TMEM255B: variants seen among roughly 807,000 people sequenced by gnomAD.
The protein encoded by TMEM255B is family with sequence similarity 70, member B.
A neutral mutation model predicts 34.5 loss-of-function variants in TMEM255B; 35 were observed. The ratio of observed to expected loss-of-function variants is 1.01; its 90% CI spans 0.77 to 1.34. The LOEUF (loss-of-function observed/expected upper bound fraction) is 1.34. TMEM255B is among the 40% of genes most tolerant of loss of function. The pLI is 0.00. For missense variants in TMEM255B, 432 were observed against 433.2 expected, an observed-to-expected ratio of 1.00 and a Z score of 0.02; for synonymous variants, 206 against 201.2, an observed-to-expected ratio of 1.02 and a Z score of -0.20.
At chr13:113,799,783 C>T (rs928999050) in intron 5 of TMEM255B, 5 of 663,386 alleles carry the variant, frequency 7.5e-6, no homozygotes, top group Admixed American at 2.1e-5. Context: ...CCTGAGCCAC[C>T]GACAGCGGCA....
intron 5 of TMEM255B, chr13:113,800,092 G>T: frequency 1.7e-6 from 2 of 1,175,478 alleles, no homozygotes; most frequent in Non-Finnish European, 2.1e-6. Flanking sequence ...ATGTGTGTGT[G>T]TGTGGGGGGG....
At chr13:113,796,999 C>T (rs2050954072) in intron 4 of TMEM255B, among the ~76,000 whole-genome samples, 1 of 152,250 alleles carries the variant, frequency 6.6e-6, no homozygotes, top group Non-Finnish European at 1.5e-5. Context: ...GGAGCTTTCT[C>T]AGCGGGTGGC....
chr13:113,775,923 C>T (rs1566725363), intron 3 of TMEM255B, among the ~76,000 whole-genome samples: 1 of 152,222 alleles, frequency 6.6e-6, no homozygotes, highest in Non-Finnish European at 1.5e-5. Context: ...TGGCTTGAGT[C>T]AGACTTTTCC....
At position 113,769,607 on chromosome 13, in the gene TMEM255B, TA is replaced by T. The variant is rs1474778000; in HGVS notation, c.252+450del. ...ATCTTGCCCAGACTAAGAGGAGAGG[TA>T]AAGACATAAAACCAGGAGGGAGCCC... On this transcript the variant is annotated intron_variant, in intron 3 of 8. Coordinates refer to ENST00000375353, the MANE Select transcript of TMEM255B (RefSeq NM_182614.4). This position sits in a 1 kb window ranked among gnomAD's most constrained non-coding sequence, Gnocchi z 4.2. 3 of 171,886 alleles carry T rather than the reference TA, an allele frequency of 1.7e-5. No homozygotes were observed. Among genetic ancestry groups the T allele is most frequent in the African/African-American group, 7.1e-5 (3 of 42,186 alleles). The allele number at this position is 171,886 out of a possible 1,614,324, so 10.6% of individuals were successfully genotyped here.
Position 113,815,062 on chromosome 13 carries a change from G to T in TMEM255B, c.*3159G>T, listed in dbSNP as rs993611963. 1.3e-5 allele frequency: 2 copies of T among 152,096 alleles called. No individual in the cohort carries two copies. The highest frequency in any genetic ancestry group is 6.5e-5 in the Admixed American group (1 of 15,274). 9.4% of individuals were successfully genotyped at this position (152,096 alleles called of 1,614,324 possible). On this transcript the variant is annotated 3_prime_UTR_variant, in exon 9 of 9. Coordinates refer to ENST00000375353, the MANE Select transcript of TMEM255B (RefSeq NM_182614.4). Reference sequence around the variant, plus strand: ...GGGTCAGAGCATTGCCCTGGGCAGGGGTCCGTTGAGACTGGCCCCACCTTA... The same window carrying T: ...GGGTCAGAGCATTGCCCTGGGCAGGTGTCCGTTGAGACTGGCCCCACCTTA...
intron 5 of TMEM255B, chr13:113,800,122 G>A (rs1348870641): frequency 4.7e-5 from 54 of 1,144,652 alleles, no homozygotes; most frequent in South Asian, 4.0e-4. Context: ...GAGGCGTCCC[G>A]TGTGTGTTTA....
chr13:113,773,281 C>G (rs1566723469), intron 3 of TMEM255B, among the ~76,000 whole-genome samples: 2 of 152,188 alleles, frequency 1.3e-5, no homozygotes, highest in Non-Finnish European at 2.9e-5. Context: ...GTATGTTGAT[C>G]TAATATCTGC....
chr13:113,790,021 C>CGTGAA (rs1439995178), intron 3 of TMEM255B, among the ~76,000 whole-genome samples: 1 of 150,978 alleles, frequency 6.6e-6, no homozygotes, highest in Non-Finnish European at 1.5e-5. Context: ...TGACTGGGCA[C>CGTGAA]CTGAACATCC....
chr13:113,766,392 G>A, intron 2 of TMEM255B, 135 bp downstream of exon 2: 1 of 1,288,174 alleles, frequency 7.8e-7, no homozygotes, highest in Non-Finnish European at 1.1e-6. Flanking sequence ...TGGTCGGCAG[G>A]GTTATGGCCC....
At chr13:113,810,725 G>A (rs1353933467) in intron 8 of TMEM255B, among the ~76,000 whole-genome samples, 2 of 152,176 alleles carry the variant, frequency 1.3e-5, no homozygotes, top group East Asian at 1.9e-4. Flanking sequence ...AGGAGGGGCC[G>A]TCCGTGTCCA....
In TMEM255B at chr13:113,766,275, G is replaced by A. The variant is rs552403832; in HGVS notation, c.189+18G>A. The A allele has an allele frequency of 6.2e-7, 1 of 1,613,552 alleles. No individual in the cohort carries two copies. The highest frequency in any genetic ancestry group is 8.5e-7 in the Non-Finnish European group (1 of 1,179,708). ...GGATCATTGTGAGTGCGCCGGGCGGGCGGCCTGGGCCGGGGAGGGCAGGGT... is the reference window on the plus strand; with the variant it reads ...GGATCATTGTGAGTGCGCCGGGCGGACGGCCTGGGCCGGGGAGGGCAGGGT... On this transcript the variant is annotated intron_variant, in intron 2 of 8. Coordinates refer to ENST00000375353, the MANE Select transcript of TMEM255B (RefSeq NM_182614.4).
At chr13:113,774,847 A>T (rs1312222680) in intron 3 of TMEM255B, among the ~76,000 whole-genome samples, 3 of 151,438 alleles carry the variant, frequency 2.0e-5, no homozygotes, top group African/African-American at 4.9e-5. Flanking sequence ...CACACAACAC[A>T]CAATGCACAC....
Position 113,811,991 on chromosome 13 carries a change from C to G in TMEM255B, c.*88C>G, listed in dbSNP as rs2051322560. 1 of 1,444,538 alleles carries G rather than the reference C, an allele frequency of 6.9e-7. No homozygotes were observed. The highest frequency in any genetic ancestry group is 1.4e-5 in the African/African-American group (1 of 69,820). 89.5% of individuals were successfully genotyped at this position (1,444,538 alleles called of 1,614,324 possible). A position where few individuals can be genotyped will look rare whatever the true frequency, so the allele number is the denominator to read the frequency against. ...AAATCCCGCTTCTGTGGCCAACCTC[C>G]TAGAGAACCCGGGAGAATGTTCCAG... On this transcript the variant is annotated 3_prime_UTR_variant, in exon 9 of 9. Coordinates refer to ENST00000375353, the MANE Select transcript of TMEM255B (RefSeq NM_182614.4).
intron 2 of TMEM255B, 76 bp downstream of exon 2, chr13:113,766,333 CA>C (rs1566719682): frequency 6.3e-7 from 1 of 1,597,670 alleles, no homozygotes; most frequent in Non-Finnish European, 8.6e-7. Flanking sequence ...GAGTCCACGC[CA>C]GCTCACAGGG....
At chr13:113,768,221 C>T (rs371981840) in intron 2 of TMEM255B, 63 of 470,452 alleles carry the variant, frequency 1.3e-4, no homozygotes, top group Admixed American at 4.7e-5. Flanking sequence ...GGCCTCGGCA[C>T]GGTCGTTGGC....
intron 8 of TMEM255B, among the ~76,000 whole-genome samples, chr13:113,807,079 C>T (rs1377228329): frequency 2.0e-5 from 3 of 152,166 alleles, no homozygotes; most frequent in African/African-American, 4.8e-5. Flanking sequence ...TGGTTTGGGC[C>T]GCCCTGGTGC....
chr13:113,782,676 G>C (rs1015039476), intron 3 of TMEM255B, among the ~76,000 whole-genome samples: 2 of 116,692 alleles, frequency 1.7e-5, no homozygotes, highest in African/African-American at 8.8e-5. Context: ...GATGGTCGGA[G>C]GGGGGGGCTT....
At position 113,759,244 on chromosome 13, in the gene TMEM255B, C is replaced by T; in HGVS notation, c.-26C>T. 1.6e-6 allele frequency: 2 copies of T among 1,227,430 alleles called. No homozygotes were observed. Among genetic ancestry groups the T allele is most frequent in the Non-Finnish European group, 2.0e-6 (2 of 985,130 alleles). The allele number at this position is 1,227,430 out of a possible 1,614,324, so 76.0% of individuals were successfully genotyped here. ...TGGCGGCGGGACTGTGGCTGTGGCC[C>T]CGGGAGAGCCGGGTGGGGCCTCGGG... On this transcript the variant is annotated 5_prime_UTR_variant, in exon 1 of 9. Coordinates refer to ENST00000375353, the MANE Select transcript of TMEM255B (RefSeq NM_182614.4).
chr13:113,788,549 C>T (rs78932067), intron 3 of TMEM255B, among the ~76,000 whole-genome samples: 1,545 of 152,196 alleles, frequency 0.01, 29 homozygotes, highest in African/African-American at 0.034. Context: ...CCTCCTGCCA[C>T]ACGTGGCCAT....
Sources: gnomAD v4.1 joint callset for allele counts (sites outside exome capture counted in the v4.1 genomes callset) on GRCh38, gnomAD v4.1.1 for gene constraint, Gnocchi (gnomAD v3.1) non-coding constraint, MANE v1.5 for transcripts, NCBI Gene and HGNC (gene_info 2026-07-23, HGNC 2026-07-21) for gene names.